Variants in PTPRN2 observed in about 807,000 individuals in gnomAD.
PTPRN2 encodes receptor-type tyrosine-protein phosphatase N2.
Under a neutral mutation model 118.8 loss-of-function variants are expected in PTPRN2, and 74 were observed. The observed-to-expected ratio is 0.62, with a 90% CI of 0.52 to 0.76. PTPRN2 has a LOEUF of 0.76. Ranked by LOEUF, PTPRN2 falls within the 30% of genes least tolerant of loss-of-function variation. PTPRN2 has a pLI of 0.00. For missense variants in PTPRN2, 1,481 were observed against 1,394.4 expected (o/e 1.06, Z -0.99); for synonymous variants, 641 against 608.0 (o/e 1.05, Z -0.80).
At chr7:157,952,891 C>T (rs866768994) in intron 11 of PTPRN2, among the ~76,000 whole-genome samples, 1 of 152,172 alleles carries the variant, frequency 6.6e-6, no homozygotes, top group South Asian at 2.1e-4. Context: ...ATCACAGAGA[C>T]TTCCCTCTCC....
rs1333350902 is a variant in PTPRN2, at chr7:157,831,944, G to A, written c.1788+66729C>T. ...GGGGTAAGTTGTTGGAAAACGGAAA[G>A]AAGTTTGTCTGGCAGTTGCTTCGTC... is the stretch of plus-strand genomic sequence containing the variant. On this transcript the variant is annotated intron_variant, in intron 12 of 22. Transcript: ENST00000389418. The surrounding 1 kb of genome is among the most constrained non-coding windows in gnomAD (Gnocchi z 4.8). 6.6e-6 allele frequency among the ~76,000 whole-genome samples: 1 copy of A among 152,240 alleles called. No individual in the cohort carries two copies. Among genetic ancestry groups the A allele is most frequent in the African/African-American group, 2.4e-5 (1 of 41,466 alleles).
intron 1 of PTPRN2, among the ~76,000 whole-genome samples, chr7:158,521,949 C>CA (rs1382367033): frequency 1.1e-5 from 1 of 89,520 alleles, no homozygotes; most frequent in Non-Finnish European, 2.3e-5. Context: ...GGTACTGGCT[C>CA]GGGAGGGAGG....
Position 158,138,361 on chromosome 7 carries a change from C to G in PTPRN2, c.1065G>C (p.Ala355=). 2 of 1,613,822 alleles carry G rather than the reference C, an allele frequency of 1.2e-6. No homozygotes were observed. Among genetic ancestry groups the G allele is most frequent in the Middle Eastern group, 1.7e-4 (1 of 6,056 alleles). The change falls in exon 7 of 23, where the codon GCG becomes GCC. Residue 355 remains alanine, a synonymous_variant. Coordinates refer to ENST00000389418, the MANE Select transcript of PTPRN2 (RefSeq NM_002847.5). ...CCTGTTCTCCAGACTCTCCCAGGGC[C>G]GCTCTCCCAGGGCTGCCTCGAGCTA... ...HGVARGSPGR[A]ALGESGEQAD...
chr7:158,559,315 C>T (rs762966030), intron 1 of PTPRN2, among the ~76,000 whole-genome samples: 2 of 152,196 alleles, frequency 1.3e-5, no homozygotes, highest in African/African-American at 4.8e-5. Context: ...TACTTCTCAA[C>T]ACTGTAATAT....
intron 21 of PTPRN2, among the ~76,000 whole-genome samples, chr7:157,554,001 C>T (rs1276851150): frequency 7.7e-6 from 1 of 129,460 alleles, no homozygotes; most frequent in Non-Finnish European, 1.7e-5. Flanking sequence ...CTCTCGTGCC[C>T]TCCTGGGCAT....
chr7:157,728,141 T>G (rs992578343), intron 12 of PTPRN2, among the ~76,000 whole-genome samples: 1 of 152,126 alleles, frequency 6.6e-6, no homozygotes, highest in Non-Finnish European at 1.5e-5. Flanking sequence ...GGCAGACACA[T>G]GCAGCCCGGA....
chr7:158,445,199 G>C (rs1250268828), intron 2 of PTPRN2, among the ~76,000 whole-genome samples: 1 of 152,174 alleles, frequency 6.6e-6, no homozygotes, highest in Non-Finnish European at 1.5e-5. Context: ...CCACTGCCCT[G>C]TCCCCGAGGC....
chr7:157,923,385 C>T (rs1427879403), intron 11 of PTPRN2, among the ~76,000 whole-genome samples: 1 of 152,228 alleles, frequency 6.6e-6, no homozygotes, highest in Non-Finnish European at 1.5e-5. Flanking sequence ...CCATGCTCCA[C>T]CTGCCTGAGC....
chr7:158,101,192 A>G (rs1815198408), intron 10 of PTPRN2, among the ~76,000 whole-genome samples: 2 of 152,258 alleles, frequency 1.3e-5, no homozygotes, highest in Admixed American at 6.5e-5. Flanking sequence ...CCAATGGAAC[A>G]GAATAGAGAA....
At chr7:157,955,026 G>A (rs994165979) in intron 11 of PTPRN2, among the ~76,000 whole-genome samples, 20 of 152,268 alleles carry the variant, frequency 1.3e-4, no homozygotes, top group Admixed American at 5.2e-4. Context: ...GGAGTGAAGC[G>A]GGTGGGGTGG....
At chr7:157,755,386 G>T (rs990707309) in intron 12 of PTPRN2, among the ~76,000 whole-genome samples, 2 of 152,138 alleles carry the variant, frequency 1.3e-5, no homozygotes, top group Non-Finnish European at 2.9e-5. Context: ...TCCTGGGTAC[G>T]AATGGGAGTA....
rs375975162 is a variant in PTPRN2 at position 158,441,176 on chromosome 7, G to A, written c.163+48559C>T. 4.6e-3 allele frequency among the ~76,000 whole-genome samples: 689 copies of A among 150,134 alleles called. 29 individuals are homozygous for A. The highest frequency in any genetic ancestry group is 0.016 in the African/African-American group (648 of 40,056). Reference sequence around the variant, plus strand: ...TGATAGTGATGGTGATAGCAGTGGTGGCAGTGGTGGTGATAGTGATGGTGA... The same window carrying A: ...TGATAGTGATGGTGATAGCAGTGGTAGCAGTGGTGGTGATAGTGATGGTGA... On this transcript the variant is annotated intron_variant, in intron 2 of 22. Transcript: ENST00000389418.
At chr7:157,852,445 C>T (rs1411117523) in intron 12 of PTPRN2, among the ~76,000 whole-genome samples, 1 of 152,210 alleles carries the variant, frequency 6.6e-6, no homozygotes, top group Non-Finnish European at 1.5e-5. Flanking sequence ...GTCTCCTACC[C>T]TCTAACAGAC....
intron 1 of PTPRN2, among the ~76,000 whole-genome samples, chr7:158,579,283 C>A (rs1469698026): frequency 6.6e-6 from 1 of 152,214 alleles, no homozygotes; most frequent in African/African-American, 2.4e-5. Flanking sequence ...ATTGTCAGTT[C>A]ATCTGAGACT....
At chr7:157,945,736 C>T (rs962420354) in intron 11 of PTPRN2, among the ~76,000 whole-genome samples, 11 of 45,048 alleles carry the variant, frequency 2.4e-4, no homozygotes, top group African/African-American at 7.9e-4. Flanking sequence ...CCAGCTTGGA[C>T]AATGCCACCT....
At chr7:157,630,630 A>G (rs1178209219) in intron 14 of PTPRN2, among the ~76,000 whole-genome samples, 1 of 152,214 alleles carries the variant, frequency 6.6e-6, no homozygotes. Context: ...ATATGCACAC[A>G]TTACCAAAAG....
At chr7:157,949,817 C>G (rs1366240642) in intron 11 of PTPRN2, among the ~76,000 whole-genome samples, 1 of 152,200 alleles carries the variant, frequency 6.6e-6, no homozygotes, top group East Asian at 1.9e-4. Flanking sequence ...GAGGGCCGAA[C>G]AGGGTTCCAT....
chr7:158,169,417 A>AGTGTGTGTGTGTGTGTGT (rs375257745), intron 5 of PTPRN2, among the ~76,000 whole-genome samples: 4 of 136,524 alleles, frequency 2.9e-5, no homozygotes, highest in African/African-American at 8.3e-5. Flanking sequence ...TGCTTTTGTG[A>AGTGTGTGTGTGTGTGTGT]GTGTGTGTGT....
chr7:158,367,547 G>T (rs918781354), intron 2 of PTPRN2, among the ~76,000 whole-genome samples: 1 of 152,200 alleles, frequency 6.6e-6, no homozygotes, highest in African/African-American at 2.4e-5. Context: ...CTCCTGGGGA[G>T]CACGTCAGTC....
Sources: gnomAD v4.1 joint callset for allele counts (sites outside exome capture counted in the v4.1 genomes callset) on GRCh38, gnomAD v4.1.1 for gene constraint, Gnocchi (gnomAD v3.1) non-coding constraint, MANE v1.5 for transcripts, NCBI Gene and HGNC (gene_info 2026-07-23, HGNC 2026-07-21) for gene names.